Variants in FARS2 observed in about 807,000 individuals in gnomAD.
The protein encoded by FARS2 is phenylalanine--tRNA ligase, mitochondrial.
FARS2 carries 40 observed loss-of-function variants against 46.4 expected under a neutral mutation model. That is an observed-to-expected ratio of 0.86 (90% CI 0.67 to 1.12). The LOEUF is 1.12. Ranked by LOEUF, FARS2 falls within the 50% of genes most tolerant of loss-of-function variation. The pLI, the probability that FARS2 is intolerant of heterozygous loss-of-function variation, is 0.00. For synonymous variants in FARS2, 234 were observed against 214.9 expected (o/e 1.09, Z -0.78); for missense variants, 513 against 567.9 (o/e 0.90, Z 0.98).
chr6:5,329,385 G>A (rs1186697315), intron 1 of FARS2, among the ~76,000 whole-genome samples: 1 of 152,114 alleles, frequency 6.6e-6, no homozygotes, highest in Non-Finnish European at 1.5e-5. Context: ...TGTTGCCGTG[G>A]CATGGTTGAT....
chr6:5,342,555 C>T (rs1437811066), intron 1 of FARS2, among the ~76,000 whole-genome samples: 1 of 151,976 alleles, frequency 6.6e-6, no homozygotes, highest in Admixed American at 6.6e-5. Flanking sequence ...GAGTTCGAGA[C>T]CAGCCTGACC....
At chr6:5,631,847 G>A (rs1197798901) in intron 6 of FARS2, among the ~76,000 whole-genome samples, 1 of 151,996 alleles carries the variant, frequency 6.6e-6, no homozygotes, top group Non-Finnish European at 1.5e-5. Context: ...AAAATGTCAG[G>A]GCAGTTATTA....
At chr6:5,404,784 T>C in intron 3 of FARS2, 83 bp downstream of exon 3, 2 of 1,006,816 alleles carry the variant, frequency 2.0e-6, no homozygotes, top group Non-Finnish European at 2.7e-6. Flanking sequence ...TTTTTTTTTT[T>C]TTTCATATTT....
At chr6:5,409,551 CT>C (rs978012411) in intron 3 of FARS2, among the ~76,000 whole-genome samples, 1 of 152,142 alleles carries the variant, frequency 6.6e-6, no homozygotes, top group African/African-American at 2.4e-5. Context: ...TCAGCCTAGA[CT>C]TTTGGTAGTC....
At position 5,645,042 on chromosome 6, in the gene FARS2, T is replaced by C. The variant is rs185180878; in HGVS notation, c.1217+31722T>C. Among the ~76,000 whole-genome samples the C allele has an allele frequency of 3.8e-3, 582 of 152,310 alleles. 3 individuals are homozygous for C. Among genetic ancestry groups the C allele is most frequent in the Non-Finnish European group, 5.2e-3 (352 of 68,026 alleles). On this transcript the variant is annotated intron_variant, in intron 6 of 6. Transcript: ENST00000274680. ...GCACAGAATAGTACCTTATTAAACA[T>C]CTTTGTGTGAAAGGCCAGCTAACCA... is the stretch of plus-strand genomic sequence containing the variant.
At chr6:5,336,735 T>C (rs1771187500) in intron 1 of FARS2, among the ~76,000 whole-genome samples, 1 of 152,152 alleles carries the variant, frequency 6.6e-6, no homozygotes, top group Non-Finnish European at 1.5e-5. Context: ...GTAGGTCTTA[T>C]TCATTCTTCC....
At chr6:5,766,838 A>G (rs1762776332) in intron 6 of FARS2, among the ~76,000 whole-genome samples, 1 of 152,012 alleles carries the variant, frequency 6.6e-6, no homozygotes, top group South Asian at 2.1e-4. Flanking sequence ...CCTGGTAACC[A>G]TCAGTCTGCC....
chr6:5,747,209 A>G (rs1214276698), intron 6 of FARS2, among the ~76,000 whole-genome samples: 6 of 152,250 alleles, frequency 3.9e-5, no homozygotes, highest in Admixed American at 3.3e-4. Flanking sequence ...GGCGAGAGCC[A>G]GATCACATGG....
intron 6 of FARS2, among the ~76,000 whole-genome samples, chr6:5,755,977 T>C (rs1279111350): frequency 6.6e-6 from 1 of 152,212 alleles, no homozygotes; most frequent in East Asian, 1.9e-4. Flanking sequence ...AAGATTCCTT[T>C]TTGCCAGTCT....
intron 4 of FARS2, among the ~76,000 whole-genome samples, chr6:5,499,103 G>A (rs1767642756): frequency 6.6e-6 from 1 of 152,170 alleles, no homozygotes; most frequent in African/African-American, 2.4e-5. Context: ...TCACCATGTT[G>A]GCCAGGCTGG....
intron 1 of FARS2, among the ~76,000 whole-genome samples, chr6:5,313,010 CTG>C (rs1349189552): frequency 3.9e-5 from 6 of 152,050 alleles, no homozygotes; most frequent in Non-Finnish European, 7.4e-5. Flanking sequence ...TTTGAGGACT[CTG>C]GGGTGGGAGA....
intron 6 of FARS2, among the ~76,000 whole-genome samples, chr6:5,662,493 TC>T (rs771791314): frequency 1.2e-4 from 18 of 152,294 alleles, no homozygotes; most frequent in Non-Finnish European, 2.1e-4. Flanking sequence ...GGAAGGAGCC[TC>T]CCCTGATCCT....
chr6:5,511,291 A>G (rs1456468068), intron 4 of FARS2, among the ~76,000 whole-genome samples: 2 of 152,246 alleles, frequency 1.3e-5, no homozygotes, highest in African/African-American at 2.4e-5. Flanking sequence ...TTTGTGCTGT[A>G]AGAACTAACC....
At chr6:5,453,084 A>C (rs1450133213) in intron 4 of FARS2, among the ~76,000 whole-genome samples, 2 of 152,190 alleles carry the variant, frequency 1.3e-5, no homozygotes, top group Non-Finnish European at 2.9e-5. Context: ...CCACTACTGA[A>C]GTTTGCACAA....
chr6:5,739,480 A>G (rs1348299687), intron 6 of FARS2, among the ~76,000 whole-genome samples: 1 of 152,182 alleles, frequency 6.6e-6, no homozygotes, highest in African/African-American at 2.4e-5. Context: ...AAAGCAGTGG[A>G]TTGTTTTTTA....
At chr6:5,286,141 T>C (rs929174456) in intron 1 of FARS2, among the ~76,000 whole-genome samples, 2 of 152,200 alleles carry the variant, frequency 1.3e-5, no homozygotes, top group African/African-American at 2.4e-5. Context: ...ACACTCTAAA[T>C]TGAACATTGG....
At chr6:5,666,740 T>G (rs1442045176) in intron 6 of FARS2, among the ~76,000 whole-genome samples, 2 of 152,198 alleles carry the variant, frequency 1.3e-5, no homozygotes, top group African/African-American at 4.8e-5. Context: ...CCCAAAGGAA[T>G]ATAAATTGTT....
At chr6:5,402,466 T>C (rs1444498289) in intron 2 of FARS2, among the ~76,000 whole-genome samples, 1 of 152,106 alleles carries the variant, frequency 6.6e-6, no homozygotes, top group African/African-American at 2.4e-5. Context: ...TTTTGAGTAA[T>C]AATTTTCTAT....
chr6:5,298,134 C>T (rs1287686576), intron 1 of FARS2, among the ~76,000 whole-genome samples: 3 of 152,236 alleles, frequency 2.0e-5, no homozygotes, highest in African/African-American at 4.8e-5. Context: ...TATGCATTTT[C>T]CCTCAGAGTC....
Sources: gnomAD v4.1 joint callset for allele counts (sites outside exome capture counted in the v4.1 genomes callset) on GRCh38, gnomAD v4.1.1 for gene constraint, MANE v1.5 for transcripts, NCBI Gene and HGNC (gene_info 2026-07-23, HGNC 2026-07-21) for gene names.